The following PCSK5 variants were observed in gnomAD, a reference collection of about 807,000 sequenced individuals.
PCSK5 encodes proprotein convertase subtilisin/kexin type 5, also known as prohormone convertase 5.
Under a neutral mutation model 233.2 loss-of-function variants are expected in PCSK5, and 129 were observed. The observed-to-expected ratio is 0.55, with a 90% CI of 0.48 to 0.64. PCSK5 has a LOEUF of 0.64. PCSK5 is among the 30% of genes least tolerant of loss of function. PCSK5 has a pLI of 0.00. For synonymous variants in PCSK5, 825 were observed against 879.2 expected (o/e 0.94, Z 1.09); for missense variants, 2,076 against 2,430.1 (o/e 0.85, Z 3.06).
At chr9:76,209,405 G>A (rs1825243740) in intron 20 of PCSK5, 4 of 400,028 alleles carry the variant, frequency 1.0e-5, no homozygotes, top group South Asian at 7.7e-5. Context: ...AAATTTACTA[G>A]TTTACTTTAT....
At chr9:75,899,745 G>A (rs1825947378) in intron 1 of PCSK5, among the ~76,000 whole-genome samples, 1 of 152,166 alleles carries the variant, frequency 6.6e-6, no homozygotes, top group African/African-American at 2.4e-5. Context: ...CAGTATAAAG[G>A]AAGCTTGTGG....
At chr9:75,994,772 C>T (rs532184824) in intron 3 of PCSK5, among the ~76,000 whole-genome samples, 1 of 152,256 alleles carries the variant, frequency 6.6e-6, no homozygotes, top group African/African-American at 2.4e-5. Context: ...CTTCATACAG[C>T]AGCCAGAGTG....
chr9:76,192,983 C>CTTT (rs5898460), intron 20 of PCSK5, among the ~76,000 whole-genome samples: 1 of 147,410 alleles, frequency 6.8e-6, no homozygotes. Flanking sequence ...TTTTTCTAAT[C>CTTT]TTTTTTTTTT....
chr9:76,236,518 T>C lies in PCSK5; in HGVS notation c.2867-2441T>C, dbSNP rs1233090739. ...GGAAATAGCTTCGTCTACATACTATTATAATAATTTAAAGTCGAAGACCCT... is the reference window on the plus strand; with the variant it reads ...GGAAATAGCTTCGTCTACATACTATCATAATAATTTAAAGTCGAAGACCCT... On this transcript the variant is annotated intron_variant, in intron 22 of 37. Transcript: ENST00000674117. Among the ~76,000 whole-genome samples, 6 of 152,304 alleles carry C rather than the reference T, an allele frequency of 3.9e-5. No homozygotes were observed. The South Asian group carries it at 1.0e-3, about 26-fold the overall frequency.
At chr9:76,261,692 T>G (rs948343589) in intron 24 of PCSK5, among the ~76,000 whole-genome samples, 10 of 152,202 alleles carry the variant, frequency 6.6e-5, no homozygotes, top group Non-Finnish European at 1.5e-4. Flanking sequence ...TGAGCAGTGG[T>G]TTGTAGTTCT....
intron 15 of PCSK5, 34 bp from the exon 16 acceptor site, chr9:76,181,363 GA>G (rs1823864884): frequency 6.3e-7 from 1 of 1,580,362 alleles, no homozygotes; most frequent in Non-Finnish European, 8.6e-7. Flanking sequence ...GTTTGCTCAT[GA>G]CGCTGCCTTC....
At chr9:76,353,189 C>G (rs1026918532) in intron 36 of PCSK5, among the ~76,000 whole-genome samples, 2 of 152,184 alleles carry the variant, frequency 1.3e-5, no homozygotes, top group African/African-American at 4.8e-5. Flanking sequence ...ATTCCTTCTT[C>G]TTTTTCTGTC....
At chr9:76,184,831 TAAAC>T in intron 17 of PCSK5, 74 bp downstream of exon 17, 2 of 880,858 alleles carry the variant, frequency 2.3e-6, no homozygotes, top group East Asian at 5.2e-5. Flanking sequence ...GAAAAAATGA[TAAAC>T]AAGTAAATAA....
At chr9:76,262,561 A>G (rs1827211541) in intron 24 of PCSK5, among the ~76,000 whole-genome samples, 2 of 149,406 alleles carry the variant, frequency 1.3e-5, no homozygotes, top group African/African-American at 5.0e-5. Flanking sequence ...TGCTGGGAAA[A>G]CTGGCTAGCC....
chr9:76,088,836 A>G (rs968688691), intron 7 of PCSK5, among the ~76,000 whole-genome samples: 3 of 152,114 alleles, frequency 2.0e-5, no homozygotes, highest in Non-Finnish European at 4.4e-5. Flanking sequence ...AAGAAGCAAT[A>G]TGTTTCAGAA....
chr9:75,969,509 CAA>C (rs1311478628), intron 2 of PCSK5, among the ~76,000 whole-genome samples: 2 of 152,120 alleles, frequency 1.3e-5, no homozygotes, highest in African/African-American at 4.8e-5. Context: ...GAAATTGAAA[CAA>C]AGAAGTAAAG....
intron 24 of PCSK5, among the ~76,000 whole-genome samples, chr9:76,260,693 C>T (rs1827143939): frequency 6.6e-6 from 1 of 152,196 alleles, no homozygotes; most frequent in Non-Finnish European, 1.5e-5. Context: ...TCAGAAGGAA[C>T]CCAGCCCTGC....
intron 2 of PCSK5, among the ~76,000 whole-genome samples, chr9:75,965,690 C>T (rs542280213): frequency 6.6e-6 from 1 of 152,290 alleles, no homozygotes; most frequent in South Asian, 2.1e-4. Context: ...AATCCGGGCA[C>T]CCTGTGGCCT....
chr9:75,991,802 T>C (rs1397931004), intron 3 of PCSK5, among the ~76,000 whole-genome samples: 1 of 152,162 alleles, frequency 6.6e-6, no homozygotes, highest in African/African-American at 2.4e-5. Context: ...AGTAAGACTC[T>C]TCCTTAAGAA....
intron 8 of PCSK5, among the ~76,000 whole-genome samples, chr9:76,097,329 G>A (rs1831574758): frequency 8.5e-6 from 1 of 118,086 alleles, no homozygotes; most frequent in African/African-American, 3.7e-5. Flanking sequence ...GCGCAATCTC[G>A]GCTCACTGCA....
intron 1 of PCSK5, among the ~76,000 whole-genome samples, chr9:75,929,991 T>A (rs1823706450): frequency 6.6e-6 from 1 of 152,038 alleles, no homozygotes; most frequent in Non-Finnish European, 1.5e-5. Context: ...GCCTCCTGAG[T>A]AGCTGGGATT....
chr9:76,354,126 G>A lies in PCSK5; in HGVS notation c.5161G>A (p.Val1721Met), dbSNP rs560646231. Reference protein sequence around the residue: ...KNCTLCPANLVLHMDDSHCLH... With the variant: ...KNCTLCPANLMLHMDDSHCLH... Reference sequence around the variant, plus strand: ...CTGCACCTTGTGCCCTGCCAACCTGGTGCTGCACATGGACGACAGCCACTG... The same window carrying A: ...CTGCACCTTGTGCCCTGCCAACCTGATGCTGCACATGGACGACAGCCACTG... The change falls in exon 37 of 38, where the codon GTG (valine) becomes ATG (methionine). Residue 1721 changes from valine to methionine, a missense_variant. Coordinates refer to ENST00000674117, the MANE Select transcript of PCSK5 (RefSeq NM_001372043.1). 6.2e-7 allele frequency: 1 copy of A among 1,602,940 alleles called. No homozygotes were observed. Among genetic ancestry groups the A allele is most frequent in the African/African-American group, 1.3e-5 (1 of 74,886 alleles).
At chr9:76,347,946 AC>A (rs1177963585) in intron 35 of PCSK5, among the ~76,000 whole-genome samples, 1 of 151,876 alleles carries the variant, frequency 6.6e-6, no homozygotes, top group Non-Finnish European at 1.5e-5. Context: ...ATATATGTAT[AC>A]AATGTGGAAT....
chr9:76,189,370 C>T, intron 19 of PCSK5, 147 bp downstream of exon 19: 1 of 735,484 alleles, frequency 1.4e-6, no homozygotes, highest in South Asian at 1.8e-5. Context: ...AAGCTTTCAC[C>T]CAGCTTATCA....
Sources: allele counts gnomAD v4.1 joint callset (sites outside exome capture counted in the v4.1 genomes callset), GRCh38; gene constraint gnomAD v4.1.1; transcripts MANE v1.5; gene names NCBI Gene and HGNC (gene_info 2026-07-23, HGNC 2026-07-21).